CCDC90B: variants seen among roughly 807,000 people sequenced by gnomAD.
CCDC90B encodes coiled-coil domain-containing protein 90B, mitochondrial.
A neutral mutation model predicts 37.0 loss-of-function variants in CCDC90B; 24 were observed. The ratio of observed to expected loss-of-function variants is 0.65; its 90% CI spans 0.47 to 0.91. The LOEUF (loss-of-function observed/expected upper bound fraction) is 0.91, where lower values mean the gene tolerates loss of function less well. Ranked by LOEUF, CCDC90B falls within the 40% of genes least tolerant of loss-of-function variation. CCDC90B has a pLI of 0.00. For missense variants in CCDC90B, 319 were observed against 299.0 expected, an observed-to-expected ratio of 1.07 and a Z score of -0.49; for synonymous variants, 113 against 101.1, an observed-to-expected ratio of 1.12 and a Z score of -0.71.
At chr11:83,263,873 C>T (rs538875205) in intron 8 of CCDC90B, among the ~76,000 whole-genome samples, 2 of 152,288 alleles carry the variant, frequency 1.3e-5, no homozygotes, top group Admixed American at 6.5e-5. Context: ...GCCCCATCCA[C>T]GGTTCAGCTG....
intron 8 of CCDC90B, among the ~76,000 whole-genome samples, chr11:83,264,917 A>G (rs1864157366): frequency 7.5e-6 from 1 of 134,136 alleles, no homozygotes; most frequent in Non-Finnish European, 1.5e-5. Flanking sequence ...ATGAGAACAC[A>G]TGGACACAGG....
At chr11:83,282,241 C>A (rs1241247601) in intron 1 of CCDC90B, among the ~76,000 whole-genome samples, 1 of 152,166 alleles carries the variant, frequency 6.6e-6, no homozygotes, top group African/African-American at 2.4e-5. Flanking sequence ...GCTTGCTGCC[C>A]CTGCCCAGTA....
At chr11:83,284,704 A>G (rs1465740872) in intron 1 of CCDC90B, among the ~76,000 whole-genome samples, 1 of 152,254 alleles carries the variant, frequency 6.6e-6, no homozygotes, top group African/African-American at 2.4e-5. Flanking sequence ...ACTCAGATTC[A>G]AGTGGGATAA....
At chr11:83,278,601 G>A (rs1212649153) in intron 3 of CCDC90B, 125 bp downstream of exon 3, 9 of 545,694 alleles carry the variant, frequency 1.6e-5, no homozygotes, top group Middle Eastern at 5.0e-4. Flanking sequence ...GTTTTTTTTT[G>A]TGGTCCCTTT....
chr11:83,269,139 C>A (rs1175243534), intron 7 of CCDC90B, among the ~76,000 whole-genome samples: 2 of 152,128 alleles, frequency 1.3e-5, no homozygotes, highest in Non-Finnish European at 2.9e-5. Flanking sequence ...ATTTATAGCA[C>A]TAAATGCCCA....
At position 83,261,920 on chromosome 11, in the gene CCDC90B, G is replaced by C. The variant is rs1464499134; in HGVS notation, c.756C>G (p.Phe252Leu). The change falls in exon 9 of 9, where the codon TTC (phenylalanine) becomes TTG (leucine). Residue 252 changes from phenylalanine to leucine, a missense_variant. Transcript: ENST00000529689. ...CLAIALGFYRFWK is the reference protein window; with the variant it reads ...CLAIALGFYRLWK ...AGGATGAGCATTAATACTACTTCCA[G>C]AATCTATAAAATCCCAATGCTATTG... 1 of 1,605,058 alleles carries C rather than the reference G, an allele frequency of 6.2e-7. No individual in the cohort carries two copies. The highest frequency in any genetic ancestry group is 1.3e-5 in the African/African-American group (1 of 74,318).
At chr11:83,280,326 A>G (rs1865312301) in intron 1 of CCDC90B, 66 bp from the exon 2 acceptor site, 3 of 1,431,940 alleles carry the variant, frequency 2.1e-6, no homozygotes, top group Admixed American at 3.7e-5. Flanking sequence ...TTTAGCTTAC[A>G]AAGCATTTTC....
Position 83,265,990 on chromosome 11 carries a change from C to A in CCDC90B, c.595-11G>T. The A allele has an allele frequency of 7.0e-7, 1 of 1,429,966 alleles. No individual in the cohort carries two copies. Among genetic ancestry groups the A allele is most frequent in the Non-Finnish European group, 9.8e-7 (1 of 1,015,368 alleles). 88.6% of individuals were successfully genotyped at this position (1,429,966 alleles called of 1,614,324 possible). A position where few individuals can be genotyped will look rare whatever the true frequency, so the allele number is the denominator to read the frequency against. Reference sequence around the variant, plus strand: ...TTTGGTTTGAGTATCCTGTGGTAAACCAGAATAAGAGAACTTAATTTTGTC... The same window carrying A: ...TTTGGTTTGAGTATCCTGTGGTAAAACAGAATAAGAGAACTTAATTTTGTC... On this transcript the variant is annotated splice_polypyrimidine_tract_variant and intron_variant, in intron 7 of 8. Transcript: ENST00000529689.
intron 8 of CCDC90B, among the ~76,000 whole-genome samples, chr11:83,264,419 C>T (rs1300435380): frequency 3.3e-5 from 5 of 152,114 alleles, no homozygotes; most frequent in Admixed American, 6.6e-5. Flanking sequence ...TAAATACACA[C>T]GGGGAGGGGC....
chr11:83,277,699 T>C (rs1865131335), intron 3 of CCDC90B, among the ~76,000 whole-genome samples: 1 of 151,952 alleles, frequency 6.6e-6, no homozygotes, highest in African/African-American at 2.4e-5. Context: ...TTTCACCTTA[T>C]TGGCCAGGCT....
intron 1 of CCDC90B, among the ~76,000 whole-genome samples, chr11:83,284,396 A>C (rs1865562457): frequency 6.6e-6 from 1 of 152,218 alleles, no homozygotes; most frequent in Non-Finnish European, 1.5e-5. Context: ...TTTACTGCTA[A>C]TTTTACAGCT....
chr11:83,263,288 CT>C (rs1284239622), intron 8 of CCDC90B, among the ~76,000 whole-genome samples: 1 of 152,148 alleles, frequency 6.6e-6, no homozygotes, highest in East Asian at 1.9e-4. Flanking sequence ...GTATACTCTA[CT>C]TCAGTAGAGT....
In CCDC90B at chr11:83,260,993, G is replaced by A. The variant is rs1204249149; in HGVS notation, c.*918C>T. ...AAGAAGCAGGGATAAACTGGTTTTT[G>A]AGTATCAAATATTTAAAAAATACAT... On this transcript the variant is annotated 3_prime_UTR_variant, in exon 9 of 9. Transcript: ENST00000529689. 1 of 152,098 alleles carries A rather than the reference G, an allele frequency of 6.6e-6. No homozygotes were observed. The highest frequency in any genetic ancestry group is 1.5e-5 in the Non-Finnish European group (1 of 68,008). The allele number at this position is 152,098 out of a possible 1,614,324, so 9.4% of individuals were successfully genotyped here.
chr11:83,265,458 A>AT (rs1370432547), intron 8 of CCDC90B, among the ~76,000 whole-genome samples: 2 of 151,168 alleles, frequency 1.3e-5, no homozygotes, highest in Admixed American at 6.6e-5. Context: ...TCCTTCTATC[A>AT]TTTTCTGCTT....
intron 1 of CCDC90B, among the ~76,000 whole-genome samples, chr11:83,284,739 T>G (rs1865580055): frequency 6.6e-6 from 1 of 152,268 alleles, no homozygotes; most frequent in Non-Finnish European, 1.5e-5. Flanking sequence ...CATTAACATG[T>G]ACTTATGGTC....
At chr11:83,285,232 C>T (rs554770879) in intron 1 of CCDC90B, 116 of 1,282,456 alleles carry the variant, frequency 9.0e-5, no homozygotes, top group Non-Finnish European at 1.1e-4. Flanking sequence ...AGTTAAAAAA[C>T]TGGGGGTGAA....
intron 2 of CCDC90B, among the ~76,000 whole-genome samples, chr11:83,279,184 G>C (rs1294025425): frequency 6.6e-6 from 1 of 152,088 alleles, no homozygotes; most frequent in Non-Finnish European, 1.5e-5. Flanking sequence ...GGGAGGCTGA[G>C]GCAGGAGAAT....
At chr11:83,281,146 TTC>T (rs1156876628) in intron 1 of CCDC90B, among the ~76,000 whole-genome samples, 1 of 152,224 alleles carries the variant, frequency 6.6e-6, no homozygotes, top group Non-Finnish European at 1.5e-5. Flanking sequence ...ACTCAGGTAC[TTC>T]TGACTCCAAA....
chr11:83,263,975 C>A (rs1330977670), intron 8 of CCDC90B, among the ~76,000 whole-genome samples: 1 of 152,132 alleles, frequency 6.6e-6, no homozygotes, highest in Non-Finnish European at 1.5e-5. Context: ...CGGCAGTTTT[C>A]TTTTAGACAG....
Sources: allele counts gnomAD v4.1 joint callset (sites outside exome capture counted in the v4.1 genomes callset), GRCh38; gene constraint gnomAD v4.1.1; transcripts MANE v1.5; gene names NCBI Gene and HGNC (gene_info 2026-07-23, HGNC 2026-07-21).